NBAS: variants seen among roughly 807,000 people sequenced by gnomAD.
NBAS encodes NAG/BC035112 fusion.
NBAS carries 219 observed loss-of-function variants against 302.5 expected under a neutral mutation model. That is an observed-to-expected ratio of 0.72 (90% confidence interval 0.65 to 0.81). The LOEUF (loss-of-function observed/expected upper bound fraction) is 0.81, where lower values mean the gene tolerates loss of function less well. Among genes scored for constraint, NBAS ranks in the 30% least tolerant of loss-of-function variants. NBAS has a pLI of 0.00. For synonymous variants in NBAS, 1,118 were observed against 1,021.6 expected (o/e 1.09, Z -1.80); for missense variants, 2,932 against 2,841.6 (o/e 1.03, Z -0.72).
At chr2:14,849,742 C>T in the NBAS span, among the ~76,000 whole-genome samples, 35 of 143,594 alleles carry the variant, frequency 2.4e-4, 3 homozygotes, top group Non-Finnish European at 3.7e-4. Context: ...TTGTCAGAAA[C>T]CCTACAAGCC....
chr2:15,056,309 C>T, the NBAS span, among the ~76,000 whole-genome samples: 2 of 152,142 alleles, frequency 1.3e-5, no homozygotes, highest in African/African-American at 2.4e-5. Context: ...TGTGGTTATG[C>T]GGAAGACTGT....
intron 40 of NBAS, among the ~76,000 whole-genome samples, chr2:15,302,387 G>A (rs1162564479): frequency 3.3e-5 from 5 of 152,168 alleles, no homozygotes; most frequent in African/African-American, 1.2e-4. Context: ...CAGCTGAAAG[G>A]TTAGAAATCC....
At chr2:15,487,044 G>A (rs1680659510) in intron 12 of NBAS, among the ~76,000 whole-genome samples, 1 of 152,142 alleles carries the variant, frequency 6.6e-6, no homozygotes, top group African/African-American at 2.4e-5. Context: ...TATTAAGAGT[G>A]CTTCAGAAAT....
At chr2:15,206,930 T>C (rs956318258) in intron 48 of NBAS, among the ~76,000 whole-genome samples, 2 of 152,152 alleles carry the variant, frequency 1.3e-5, no homozygotes, top group Admixed American at 1.3e-4. Flanking sequence ...AGAGGGGAAA[T>C]GTGGGGTTGG....
chr2:15,218,650 A>G (rs1666765462), intron 48 of NBAS, 123 bp downstream of exon 48: 1 of 1,270,232 alleles, frequency 7.9e-7, no homozygotes, highest in East Asian at 2.3e-5. Flanking sequence ...CTGGTCTTGA[A>G]CTCCTGGCCT....
chr2:14,800,991 A>G, the NBAS span, among the ~76,000 whole-genome samples: 3 of 151,978 alleles, frequency 2.0e-5, no homozygotes, highest in East Asian at 3.9e-4. Context: ...ATTTTCCTCT[A>G]TTTTTTGAAA....
the NBAS span, among the ~76,000 whole-genome samples, chr2:14,961,444 G>A: frequency 8.6e-5 from 13 of 151,752 alleles, no homozygotes; most frequent in African/African-American, 2.9e-4. Context: ...TTTTAAAGCT[G>A]GGCCCCCTCT....
chr2:15,429,001 G>C (rs770752684), intron 21 of NBAS, among the ~76,000 whole-genome samples: 2 of 149,706 alleles, frequency 1.3e-5, no homozygotes, highest in Non-Finnish European at 3.0e-5. Context: ...TCGTGCCACT[G>C]TACTTCAGCC....
chr2:15,392,843 C>T lies in NBAS; in HGVS notation c.3257+1384G>A, dbSNP rs114677832. Among the ~76,000 whole-genome samples the T allele has an allele frequency of 6.7e-3, 1,024 of 151,936 alleles. 11 individuals carry two copies. Among genetic ancestry groups the T allele is most frequent in the African/African-American group, 0.022 (923 of 41,446 alleles). ...GGGGAAAAAAAACAAAGCTGGGAGA[C>T]TAATGTTACCTAATTTCAATATTTA... is the stretch of plus-strand genomic sequence containing the variant. On this transcript the variant is annotated intron_variant, in intron 28 of 51. Coordinates refer to ENST00000281513, the MANE Select transcript of NBAS (RefSeq NM_015909.4).
At chr2:15,034,278 G>GAAAGAA in the NBAS span, among the ~76,000 whole-genome samples, 4,192 of 127,138 alleles carry the variant, frequency 0.033, 380 homozygotes, top group Middle Eastern at 0.078. Flanking sequence ...GAAAGAAAGA[G>GAAAGAA]AGAAAGAAAG....
chr2:15,415,529 A>ATAAC lies in NBAS; in HGVS notation c.2937+16_2937+17insGTTA. On this transcript the variant is annotated intron_variant, in intron 25 of 51. Coordinates refer to ENST00000281513, the MANE Select transcript of NBAS (RefSeq NM_015909.4). ...GGAAAAAGTGCCCAGAATTTTAAGA[A>ATAAC]GTTAGTTTCTACTTACATCTGGTTT... The ATAAC allele has an allele frequency of 6.2e-7, 1 of 1,612,330 alleles. No individual in the cohort carries two copies. The highest frequency in any genetic ancestry group is 8.5e-7 in the Non-Finnish European group (1 of 1,178,378).
chr2:14,878,825 A>G, the NBAS span, among the ~76,000 whole-genome samples: 2 of 152,106 alleles, frequency 1.3e-5, no homozygotes, highest in Non-Finnish European at 2.9e-5. Flanking sequence ...CCAAATCCAT[A>G]GCTTACATTA....
chr2:15,265,593 T>C (rs1219740220), intron 44 of NBAS, among the ~76,000 whole-genome samples: 1 of 152,024 alleles, frequency 6.6e-6, no homozygotes, highest in Non-Finnish European at 1.5e-5. Context: ...TAGCATAGGG[T>C]TCGGTAACAA....
chr2:15,368,001 T>C (rs1313385277), intron 31 of NBAS, among the ~76,000 whole-genome samples: 2 of 152,152 alleles, frequency 1.3e-5, no homozygotes, highest in East Asian at 3.9e-4. Context: ...CAAATACTTA[T>C]ACATGTACAA....
At chr2:14,978,853 C>T in the NBAS span, among the ~76,000 whole-genome samples, 444 of 152,298 alleles carry the variant, frequency 2.9e-3, 1 homozygote, top group African/African-American at 0.01. Flanking sequence ...CCCATTTCAA[C>T]CCCGATAAAT....
chr2:15,544,497 T>C (rs1664010094), intron 6 of NBAS, among the ~76,000 whole-genome samples: 1 of 152,152 alleles, frequency 6.6e-6, no homozygotes, highest in African/African-American at 2.4e-5. Flanking sequence ...GCATAAACTT[T>C]GCAAATTTGA....
At chr2:15,189,567 G>A (rs768364443) in intron 49 of NBAS, among the ~76,000 whole-genome samples, 1 of 83,092 alleles carries the variant, frequency 1.2e-5, no homozygotes, top group Non-Finnish European at 2.1e-5. Context: ...ATGAGACCCA[G>A]TCCATGAGCT....
chr2:14,871,806 A>T, the NBAS span, among the ~76,000 whole-genome samples: 1 of 152,182 alleles, frequency 6.6e-6, no homozygotes, highest in Non-Finnish European at 1.5e-5. Context: ...TTCAAAAGAC[A>T]GCAGGTAAGA....
the NBAS span, among the ~76,000 whole-genome samples, chr2:15,080,712 G>A: frequency 1.3e-5 from 2 of 152,206 alleles, no homozygotes; most frequent in African/African-American, 4.8e-5. Context: ...GCACCCTGGT[G>A]GGGGTGGCTG....
Sources: allele counts gnomAD v4.1 joint callset (sites outside exome capture counted in the v4.1 genomes callset), GRCh38; gene constraint gnomAD v4.1.1; transcripts MANE v1.5; gene names NCBI Gene and HGNC (gene_info 2026-07-23, HGNC 2026-07-21).